Variants in SUGCT observed in about 807,000 individuals in gnomAD.
SUGCT encodes the protein succinyl-CoA:glutarate CoA-transferase.
In SUGCT, 41 loss-of-function variants were observed where a neutral mutation model predicts 55.0. That is an observed-to-expected ratio of 0.74 (90% CI 0.58 to 0.97). The LOEUF (loss-of-function observed/expected upper bound fraction) is 0.97, where lower values mean the gene tolerates loss of function less well. Among genes scored for constraint, SUGCT ranks in the 50% least tolerant of loss-of-function variants. The pLI is 0.00. For synonymous variants in SUGCT, 187 were observed against 200.4 expected, an observed-to-expected ratio of 0.93 and a Z score of 0.56; for missense variants, 568 against 547.8, an observed-to-expected ratio of 1.04 and a Z score of -0.37.
chr7:40,249,073 T>C (rs1247227688), intron 7 of SUGCT, among the ~76,000 whole-genome samples: 3 of 151,772 alleles, frequency 2.0e-5, no homozygotes, highest in African/African-American at 7.3e-5. Context: ...GGAGGATTGC[T>C]TGAGCCCAGG....
At chr7:40,944,043 T>G in the SUGCT span, among the ~76,000 whole-genome samples, 5 of 152,024 alleles carry the variant, frequency 3.3e-5, no homozygotes, top group African/African-American at 7.2e-5. Flanking sequence ...ATGATGAGCA[T>G]TTTTTCATGT....
At chr7:40,938,704 A>G in the SUGCT span, among the ~76,000 whole-genome samples, 4 of 152,142 alleles carry the variant, frequency 2.6e-5, no homozygotes, top group Non-Finnish European at 5.9e-5. Flanking sequence ...CACTGCTGAT[A>G]ATACCCCTTC....
chr7:40,517,212 T>C (rs1206422311), intron 12 of SUGCT, among the ~76,000 whole-genome samples: 1 of 150,680 alleles, frequency 6.6e-6, no homozygotes, highest in East Asian at 1.9e-4. Flanking sequence ...AACTCACTTA[T>C]TAGTTCCAGT....
chr7:40,408,092 TA>T (rs1176057656), intron 9 of SUGCT, among the ~76,000 whole-genome samples: 1 of 152,082 alleles, frequency 6.6e-6, no homozygotes, highest in African/African-American at 2.4e-5. Flanking sequence ...CTTTTTTATT[TA>T]AAAGACAGTA....
chr7:40,240,890 A>G (rs1001034176), intron 7 of SUGCT, among the ~76,000 whole-genome samples: 4 of 152,124 alleles, frequency 2.6e-5, no homozygotes, highest in African/African-American at 9.7e-5. Context: ...GGATCCTGTT[A>G]AGCATTAGCC....
intron 9 of SUGCT, among the ~76,000 whole-genome samples, chr7:40,438,035 T>C (rs1788268813): frequency 6.6e-6 from 1 of 152,124 alleles, no homozygotes; most frequent in Non-Finnish European, 1.5e-5. Flanking sequence ...ATATGATATA[T>C]TGTGTTGACA....
downstream of SUGCT, among the ~76,000 whole-genome samples, chr7:40,865,457 C>T (rs1794562504): frequency 6.6e-6 from 1 of 152,176 alleles, no homozygotes; most frequent in South Asian, 2.1e-4. Flanking sequence ...AAATGCTACT[C>T]TGGGCTGTGG....
At chr7:40,173,702 C>T (rs974700301) in intron 1 of SUGCT, among the ~76,000 whole-genome samples, 3 of 152,130 alleles carry the variant, frequency 2.0e-5, no homozygotes, top group African/African-American at 7.2e-5. Context: ...GTGTGGTCAC[C>T]TTCCCAGCTA....
the SUGCT span, among the ~76,000 whole-genome samples, chr7:40,870,839 G>A: frequency 1.3e-5 from 2 of 151,822 alleles, no homozygotes; most frequent in Non-Finnish European, 2.9e-5. Flanking sequence ...GTTTTATTTT[G>A]TGGGTTATCA....
At chr7:40,650,607 C>T (rs1431339360) in intron 12 of SUGCT, among the ~76,000 whole-genome samples, 6 of 152,192 alleles carry the variant, frequency 3.9e-5, no homozygotes, top group Non-Finnish European at 8.8e-5. Flanking sequence ...AAATCAGATA[C>T]TCCTCCATTT....
At chr7:40,788,825 C>G (rs576426958) in intron 13 of SUGCT, among the ~76,000 whole-genome samples, 1 of 152,146 alleles carries the variant, frequency 6.6e-6, no homozygotes, top group Non-Finnish European at 1.5e-5. Flanking sequence ...AGGCACATAA[C>G]CAAGTACAGA....
intron 12 of SUGCT, among the ~76,000 whole-genome samples, chr7:40,542,718 A>G (rs1296638695): frequency 2.0e-5 from 3 of 152,228 alleles, no homozygotes; most frequent in Admixed American, 6.5e-5. Context: ...GTATTCTGAA[A>G]TCCCTTCAAG....
intron 13 of SUGCT, among the ~76,000 whole-genome samples, chr7:40,804,181 A>G (rs919785387): frequency 6.6e-6 from 1 of 152,190 alleles, no homozygotes; most frequent in South Asian, 2.1e-4. Flanking sequence ...AGTTTTGGCA[A>G]CTTTGTACAT....
At chr7:40,869,389 T>A in the SUGCT span, among the ~76,000 whole-genome samples, 41 of 152,262 alleles carry the variant, frequency 2.7e-4, no homozygotes, top group African/African-American at 7.2e-4. Context: ...AAAACCCAAG[T>A]GACAGCCAGC....
chr7:40,810,594 C>T (rs1035952127), intron 13 of SUGCT, among the ~76,000 whole-genome samples: 1 of 152,014 alleles, frequency 6.6e-6, no homozygotes, highest in South Asian at 2.1e-4. Context: ...GTCTTTTGCC[C>T]ATTTTTTAAT....
intron 11 of SUGCT, among the ~76,000 whole-genome samples, chr7:40,492,765 C>T (rs1193466472): frequency 6.6e-6 from 1 of 152,166 alleles, no homozygotes; most frequent in Non-Finnish European, 1.5e-5. Flanking sequence ...GGGTCCAGTG[C>T]AAGTCTCCCT....
intron 12 of SUGCT, among the ~76,000 whole-genome samples, chr7:40,726,020 T>C (rs1786594744): frequency 6.6e-6 from 1 of 152,144 alleles, no homozygotes; most frequent in African/African-American, 2.4e-5. Flanking sequence ...GTTTTGGCCC[T>C]GGCACCAGGC....
At chr7:40,258,854 A>G (rs984162836) in intron 7 of SUGCT, among the ~76,000 whole-genome samples, 2 of 152,180 alleles carry the variant, frequency 1.3e-5, no homozygotes, top group Admixed American at 6.5e-5. Flanking sequence ...GCGAAATGAA[A>G]TCAGTAATGT....
In SUGCT at chr7:40,778,675, T is replaced by TG. The variant is rs778638708; in HGVS notation, c.1153+29180dup. On this transcript the variant is annotated intron_variant, in intron 13 of 13. Transcript: ENST00000335693. ...TCACAGGCCTGGAGGCCAAGGAAGCTGGTTTGATATGAGTGATCTGCTTGG... is the reference window on the plus strand; with the variant it reads ...TCACAGGCCTGGAGGCCAAGGAAGCTGGGTTTGATATGAGTGATCTGCTTGG... Among the ~76,000 whole-genome samples, 206 of 152,346 alleles carry TG rather than the reference T, an allele frequency of 1.4e-3. 1 individual carries two copies. The highest frequency in any genetic ancestry group is 2.1e-3 in the Non-Finnish European group (146 of 68,030).
Sources: allele counts gnomAD v4.1 joint callset (sites outside exome capture counted in the v4.1 genomes callset), GRCh38; gene constraint gnomAD v4.1.1; transcripts MANE v1.5; gene names NCBI Gene and HGNC (gene_info 2026-07-23, HGNC 2026-07-21).